The following MYO1E variants were observed in gnomAD, a reference collection of about 807,000 sequenced individuals.
MYO1E encodes myosin IE.
Under a neutral mutation model 151.1 loss-of-function variants are expected in MYO1E, and 68 were observed. The ratio of observed to expected loss-of-function variants is 0.45; its 90% CI spans 0.37 to 0.55. The LOEUF (loss-of-function observed/expected upper bound fraction) is 0.55, where lower values mean the gene tolerates loss of function less well. Among genes scored for constraint, MYO1E ranks in the 20% least tolerant of loss-of-function variants. The probability of loss-of-function intolerance (pLI) is 0.00; values close to 1 mark genes in which losing one functional copy is unlikely to be tolerated. For missense variants in MYO1E, 1,363 were observed against 1,389.3 expected (o/e 0.98, Z 0.30); for synonymous variants, 601 against 501.7 (o/e 1.20, Z -2.64).
intron 22 of MYO1E, among the ~76,000 whole-genome samples, chr15:59,169,699 G>A (rs767511196): frequency 6.6e-6 from 1 of 152,082 alleles, no homozygotes; most frequent in Non-Finnish European, 1.5e-5. Flanking sequence ...AAAGAAGCTG[G>A]TGCTCCCATG....
At chr15:59,288,881 A>G (rs547676358) in intron 1 of MYO1E, among the ~76,000 whole-genome samples, 1 of 152,336 alleles carries the variant, frequency 6.6e-6, no homozygotes, top group Admixed American at 6.5e-5. Context: ...ACCAAAATGG[A>G]AGCCAGTGAC....
chr15:59,232,837 C>T (rs1384212514), intron 5 of MYO1E, among the ~76,000 whole-genome samples: 1 of 152,160 alleles, frequency 6.6e-6, no homozygotes, highest in African/African-American at 2.4e-5. Context: ...TATGTAACAG[C>T]CAAAGTGTTA....
intron 1 of MYO1E, among the ~76,000 whole-genome samples, chr15:59,367,178 G>C (rs2080919292): frequency 6.6e-6 from 1 of 152,070 alleles, no homozygotes; most frequent in Non-Finnish European, 1.5e-5. Flanking sequence ...TGAATAATAA[G>C]GCCCCACACT....
chr15:59,278,642 GATGTGTCTCTGAAGCAAGTATGTGT>G lies in MYO1E; in HGVS notation c.4-6218_4-6194del, dbSNP rs1387855240. On this transcript the variant is annotated intron_variant, in intron 1 of 27. Coordinates refer to ENST00000288235, the MANE Select transcript of MYO1E (RefSeq NM_004998.4). ...ACCCCTAATATTTTGGTGATGGGAA[GATGTGTCTCTGAAGCAAGTATGTGT>G]GTGCTGGACTTCAGTGCACAGAGTA... 3.3e-5 allele frequency among the ~76,000 whole-genome samples: 5 copies of G among 152,290 alleles called. No homozygotes were observed. The East Asian group carries it at 9.6e-4, about 29-fold the overall frequency.
At chr15:59,247,401 T>C (rs2080136768) in intron 4 of MYO1E, among the ~76,000 whole-genome samples, 1 of 152,136 alleles carries the variant, frequency 6.6e-6, no homozygotes, top group South Asian at 2.1e-4. Flanking sequence ...AGAAAGTGCA[T>C]AAGGTTTGAA....
chr15:59,213,242 C>G (rs2079892173), intron 12 of MYO1E, among the ~76,000 whole-genome samples: 1 of 151,744 alleles, frequency 6.6e-6, no homozygotes, highest in Non-Finnish European at 1.5e-5. Flanking sequence ...ACGATCTCAG[C>G]TCACTGCAAC....
At chr15:59,213,844 A>T (rs2079896684) in intron 12 of MYO1E, among the ~76,000 whole-genome samples, 1 of 152,190 alleles carries the variant, frequency 6.6e-6, no homozygotes, top group South Asian at 2.1e-4. Flanking sequence ...AAATGCACGT[A>T]TTGTTAGGGA....
At chr15:59,278,995 G>A (rs900509742) in intron 1 of MYO1E, among the ~76,000 whole-genome samples, 4 of 151,996 alleles carry the variant, frequency 2.6e-5, no homozygotes, top group African/African-American at 4.8e-5. Context: ...CGTGAGGCTC[G>A]GGGAAGGGAA....
intron 1 of MYO1E, among the ~76,000 whole-genome samples, chr15:59,285,941 G>A (rs1229757802): frequency 1.3e-5 from 2 of 152,204 alleles, no homozygotes; most frequent in African/African-American, 4.8e-5. Context: ...GATAGTCTCT[G>A]AAGTAGTAGC....
At chr15:59,170,576 G>A (rs1017106829) in intron 22 of MYO1E, among the ~76,000 whole-genome samples, 1 of 151,466 alleles carries the variant, frequency 6.6e-6, no homozygotes, top group Non-Finnish European at 1.5e-5. Flanking sequence ...ATCAGTCAGC[G>A]CCTAGAGCTT....
chr15:59,201,208 C>T (rs1050237866), intron 16 of MYO1E, among the ~76,000 whole-genome samples: 15 of 151,792 alleles, frequency 9.9e-5, no homozygotes, highest in Non-Finnish European at 1.8e-4. Flanking sequence ...AGCGATCCTC[C>T]TTCCTTAGCC....
chr15:59,214,561 C>A (rs765214206), intron 11 of MYO1E, 79 bp downstream of exon 11: 26 of 1,319,074 alleles, frequency 2.0e-5, no homozygotes, highest in Non-Finnish European at 2.4e-5. Flanking sequence ...TTTGTTTTTG[C>A]ATTGCCTAGA....
intron 14 of MYO1E, chr15:59,206,787 CA>C: frequency 2.9e-6 from 2 of 700,738 alleles, no homozygotes; most frequent in South Asian, 1.9e-5. Flanking sequence ...GAGACTCTGG[CA>C]AGGCCCGCGC....
At chr15:59,147,612 A>AAAAAAAC (rs2079449506) in intron 26 of MYO1E, among the ~76,000 whole-genome samples, 1 of 151,164 alleles carries the variant, frequency 6.6e-6, no homozygotes, top group Non-Finnish European at 1.5e-5. Flanking sequence ...AAAAAAAAAA[A>AAAAAAAC]AAACAATACA....
chr15:59,164,513 C>T (rs182730427), intron 22 of MYO1E, among the ~76,000 whole-genome samples: 217 of 152,326 alleles, frequency 1.4e-3, no homozygotes, highest in African/African-American at 4.9e-3. Context: ...GGTGTCACTG[C>T]ACCAGTGGGA....
Position 59,173,821 on chromosome 15 carries a change from T to C in MYO1E, c.2259A>G (p.Glu753=). Residue 753 remains glutamate (E), a synonymous_variant, in exon 21 of 28, where the codon GAA becomes GAG. Transcript: ENST00000288235. ...CCCTCTTGCCCACGAACTGCTGGAG[T>C]TCTGGGTGCTCTTCCATCCCAATAT... The part of the protein sequence containing the change: ...GDYIGMEEHP[E]LQQFVGKREK... 1 of 1,614,022 alleles carries C rather than the reference T, an allele frequency of 6.2e-7. No homozygotes were observed. Among genetic ancestry groups the C allele is most frequent in the Non-Finnish European group, 8.5e-7 (1 of 1,179,958 alleles).
chr15:59,225,650 C>T (rs1448735098), intron 7 of MYO1E, among the ~76,000 whole-genome samples: 2 of 139,290 alleles, frequency 1.4e-5, no homozygotes, highest in African/African-American at 2.7e-5. Flanking sequence ...CTTTTCTTTT[C>T]TTTTTTTTTT....
chr15:59,213,683 A>G (rs917861710), intron 12 of MYO1E, among the ~76,000 whole-genome samples: 6 of 148,812 alleles, frequency 4.0e-5, no homozygotes, highest in Non-Finnish European at 8.9e-5. Flanking sequence ...CTGGTCTTGA[A>G]CTCCCGGGCT....
chr15:59,234,645 C>T (rs368710598), intron 5 of MYO1E, among the ~76,000 whole-genome samples: 2 of 151,920 alleles, frequency 1.3e-5, no homozygotes, highest in East Asian at 3.9e-4. Flanking sequence ...TGTGGTGAAA[C>T]CCTGTCCCTA....
Sources: gnomAD v4.1 joint callset for allele counts (sites outside exome capture counted in the v4.1 genomes callset) on GRCh38, gnomAD v4.1.1 for gene constraint, MANE v1.5 for transcripts, NCBI Gene and HGNC (gene_info 2026-07-23, HGNC 2026-07-21) for gene names.